CLMN: variants seen among roughly 807,000 people sequenced by gnomAD.
CLMN encodes the protein calmin (calponin-like, transmembrane).
CLMN carries 57 observed loss-of-function variants against 92.7 expected under a neutral mutation model. That is an observed-to-expected ratio of 0.61 (90% CI 0.50 to 0.77). CLMN has a LOEUF of 0.77. Ranked by LOEUF, CLMN falls within the 30% of genes least tolerant of loss-of-function variation. CLMN has a pLI of 0.00. For synonymous variants in CLMN, 466 were observed against 470.6 expected, an observed-to-expected ratio of 0.99 and a Z score of 0.13; for missense variants, 1,158 against 1,237.5, an observed-to-expected ratio of 0.94 and a Z score of 0.96.
At chr14:95,280,415 A>C (rs1900102389) in intron 1 of CLMN, among the ~76,000 whole-genome samples, 1 of 152,222 alleles carries the variant, frequency 6.6e-6, no homozygotes, top group African/African-American at 2.4e-5. Flanking sequence ...TTTGCCTTTT[A>C]AATACAGGAA....
Position 95,196,667 on chromosome 14 carries a change from T to C in CLMN, c.2539A>G (p.Ile847Val), listed in dbSNP as rs1896724182. The change falls in exon 10 of 13, where the codon ATA (isoleucine) becomes GTA (valine). Residue 847 changes from isoleucine (I) to valine (V), a missense_variant. Physicochemically the swap from Ile to Val is conservative, Grantham distance 29. Transcript: ENST00000298912. ...ACATTTTCTTCTAGGGGGTTTGCTA[T>C]GTTTTCCAGGTTTGGGGATTCCTGG... The part of the protein sequence containing the change: ...QSQESPNLEN[I>V]ANPLEENVTK... The C allele has an allele frequency of 6.2e-7, 1 of 1,613,402 alleles. No individual in the cohort carries two copies. The highest frequency in any genetic ancestry group is 1.1e-5 in the South Asian group (1 of 90,984).
chr14:95,245,329 A>C (rs1898504573), intron 1 of CLMN, among the ~76,000 whole-genome samples: 1 of 94,812 alleles, frequency 1.1e-5, no homozygotes, highest in Non-Finnish European at 1.9e-5. Flanking sequence ...AAGCTACCTC[A>C]AATGTCCAAG....
chr14:95,215,631 A>G lies in CLMN; in HGVS notation c.417+10T>C. The G allele has an allele frequency of 6.2e-7, 1 of 1,610,884 alleles. No homozygotes were observed. The highest frequency in any genetic ancestry group is 8.5e-7 in the Non-Finnish European group (1 of 1,177,008). On this transcript the variant is annotated intron_variant, in intron 5 of 12. Transcript: ENST00000298912. ...CATGATTGTGTGTTTTGGAAAAGAA[A>G]TGATCTTACCTGGAAGAAGAGGATT...
At chr14:95,240,342 T>C (rs1898202506) in intron 1 of CLMN, among the ~76,000 whole-genome samples, 1 of 152,172 alleles carries the variant, frequency 6.6e-6, no homozygotes, top group South Asian at 2.1e-4. Flanking sequence ...CAGGGAATGG[T>C]GTGGCATGAC....
At chr14:95,269,511 TC>T (rs756192210) in intron 1 of CLMN, among the ~76,000 whole-genome samples, 12 of 152,254 alleles carry the variant, frequency 7.9e-5, no homozygotes, top group Non-Finnish European at 1.5e-4. Context: ...AAAAGGGCTT[TC>T]CCCAGCTCAT....
At chr14:95,209,544 T>C in intron 7 of CLMN, 67 bp from the exon 8 acceptor site, 3 of 1,228,124 alleles carry the variant, frequency 2.4e-6, no homozygotes, top group Non-Finnish European at 3.6e-6. Context: ...TATTCCCGGA[T>C]GCCTGATGGT....
intron 1 of CLMN, among the ~76,000 whole-genome samples, chr14:95,283,294 G>A (rs886297228): frequency 3.9e-5 from 6 of 152,158 alleles, no homozygotes; most frequent in African/African-American, 7.2e-5. Flanking sequence ...CCGCCACGAT[G>A]CTGAGGCCTC....
Position 95,245,210 on chromosome 14 carries a change from A to ATATATATATAT in CLMN, c.83-15088_83-15078dup, listed in dbSNP as rs1898451990. ...TATATATATAATATATATATATATT[A>ATATATATATAT]TATATATATATATATTATATATATA... On this transcript the variant is annotated intron_variant, in intron 1 of 12. Transcript: ENST00000298912. Among the ~76,000 whole-genome samples the ATATATATATAT allele has an allele frequency of 2.4e-3, 57 of 24,156 alleles. 1 individual carries two copies. Among genetic ancestry groups the ATATATATATAT allele is most frequent in the Non-Finnish European group, 3.3e-3 (51 of 15,560 alleles). 15.8% of individuals were successfully genotyped at this position (24,156 alleles called of 152,430 possible).
chr14:95,248,705 T>C (rs909623807), intron 1 of CLMN, among the ~76,000 whole-genome samples: 1 of 152,226 alleles, frequency 6.6e-6, no homozygotes. Context: ...TCAAATATTT[T>C]AGTCAGTTCT....
At position 95,299,475 on chromosome 14, in the gene CLMN, AC is replaced by A. The variant is rs1900950735; in HGVS notation, c.82+20235del. ...ACTGTTTGCTAAGTGCCTATGCTGC[AC>A]CAGGTGCAGCACCAGGTGCTGGAGA... On this transcript the variant is annotated intron_variant, in intron 1 of 12. Coordinates refer to ENST00000298912, the MANE Select transcript of CLMN (RefSeq NM_024734.4). Among the ~76,000 whole-genome samples, 5 of 152,152 alleles carry A rather than the reference AC, an allele frequency of 3.3e-5. No homozygotes were observed. The South Asian group carries it at 1.0e-3, about 32-fold the overall frequency.
intron 2 of CLMN, among the ~76,000 whole-genome samples, chr14:95,227,430 G>A (rs1171563070): frequency 6.6e-6 from 1 of 152,182 alleles, no homozygotes; most frequent in Non-Finnish European, 1.5e-5. Context: ...GACGGGATCA[G>A]GTTACTGAGG....
intron 1 of CLMN, among the ~76,000 whole-genome samples, chr14:95,272,125 T>C (rs1016179803): frequency 1.4e-4 from 22 of 152,198 alleles, no homozygotes; most frequent in African/African-American, 2.2e-4. Flanking sequence ...AATGCCAAAG[T>C]GTACAAGACG....
At chr14:95,227,967 G>A (rs61977679) in intron 2 of CLMN, among the ~76,000 whole-genome samples, 1,661 of 152,222 alleles carry the variant, frequency 0.011, 15 homozygotes, top group Non-Finnish European at 0.015. Context: ...CTGTTTATTA[G>A]ACATCAGTTT....
rs370234798 is a variant in CLMN at position 95,209,455 on chromosome 14, G to T, written c.825C>A (p.Asp275Glu). 1.8e-5 allele frequency: 29 copies of T among 1,613,992 alleles called. No individual in the cohort carries two copies. In the South Asian group the frequency reaches 2.7e-4, roughly 15 times the overall value. ...EPEDIMVDTP[D>E]EQSIMTYVAQ... ...CCACGTAAGTCATGATAGACTGCTC[G>T]TCTGGTGTGTCAACCATGATGTCTG... The change falls in exon 8 of 13, where the codon GAC becomes GAA. Residue 275 changes from aspartate to glutamate, a missense_variant. Transcript: ENST00000298912.
rs960328385 is a variant in CLMN at position 95,217,683 on chromosome 14, G to A, written c.325-1950C>T. Among the ~76,000 whole-genome samples, 4 of 152,348 alleles carry A rather than the reference G, an allele frequency of 2.6e-5. No homozygotes were observed. In the Middle Eastern group the frequency reaches 0.01, roughly 389 times the overall value. The stretch of plus-strand genomic sequence containing the variant: ...CTTACTGAGCACATTCCAGTCCAGG[G>A]GAATCAAAGCCGCTAGTCAACTTGA... On this transcript the variant is annotated intron_variant, in intron 4 of 12. Transcript: ENST00000298912.
intron 5 of CLMN, among the ~76,000 whole-genome samples, chr14:95,214,081 G>A (rs1212262106): frequency 2.0e-5 from 3 of 151,932 alleles, no homozygotes; most frequent in African/African-American, 4.8e-5. Context: ...CCTGCTTGGA[G>A]CTCTTGCATC....
intron 1 of CLMN, among the ~76,000 whole-genome samples, chr14:95,230,663 G>A (rs536534164): frequency 1.6e-4 from 24 of 152,282 alleles, no homozygotes; most frequent in African/African-American, 4.6e-4. Flanking sequence ...TTGTGTGCCC[G>A]GGCCAGACCC....
intron 1 of CLMN, among the ~76,000 whole-genome samples, chr14:95,263,358 C>T (rs1178729869): frequency 1.3e-5 from 2 of 152,124 alleles, no homozygotes; most frequent in Non-Finnish European, 2.9e-5. Flanking sequence ...CAATTACCTC[C>T]CGCCAGGTTG....
At chr14:95,249,740 C>T (rs1898710869) in intron 1 of CLMN, among the ~76,000 whole-genome samples, 1 of 152,092 alleles carries the variant, frequency 6.6e-6, no homozygotes, top group African/African-American at 2.4e-5. Context: ...TACAGGCGTG[C>T]ACCATCACAC....
Sources: gnomAD v4.1 joint callset for allele counts (sites outside exome capture counted in the v4.1 genomes callset) on GRCh38, gnomAD v4.1.1 for gene constraint, MANE v1.5 for transcripts, NCBI Gene and HGNC (gene_info 2026-07-23, HGNC 2026-07-21) for gene names.